Variants in GSDME observed in about 807,000 individuals in gnomAD.
GSDME encodes the protein gasdermin E.
GSDME carries 44 observed loss-of-function variants against 47.5 expected under a neutral mutation model. The observed-to-expected ratio is 0.93, with a 90% CI of 0.73 to 1.19. The LOEUF (loss-of-function observed/expected upper bound fraction) is 1.19. Ranked by LOEUF, GSDME falls within the 50% of genes most tolerant of loss-of-function variation. The pLI is 0.00. For synonymous variants in GSDME, 258 were observed against 252.8 expected (o/e 1.02, Z -0.20); for missense variants, 663 against 604.2 (o/e 1.10, Z -1.02).
chr7:24,765,397 T>C, the GSDME span, among the ~76,000 whole-genome samples: 2 of 152,166 alleles, frequency 1.3e-5, no homozygotes, highest in Admixed American at 1.3e-4. Flanking sequence ...AGCCTAAAGC[T>C]CCCTCCTTAG....
chr7:24,731,128 C>A (rs1428179615), intron 3 of GSDME, among the ~76,000 whole-genome samples: 2 of 152,180 alleles, frequency 1.3e-5, no homozygotes, highest in African/African-American at 2.4e-5. Context: ...TTTCGTGGGG[C>A]CTTGAGCTTC....
At chr7:24,794,681 T>A in the GSDME span, among the ~76,000 whole-genome samples, 4 of 152,158 alleles carry the variant, frequency 2.6e-5, no homozygotes, top group Admixed American at 2.6e-4. Context: ...TCATAGCGAT[T>A]CCATAGACCC....
At chr7:24,760,771 T>C (rs1791154674), upstream of GSDME, among the ~76,000 whole-genome samples, 1 of 152,234 alleles carries the variant, frequency 6.6e-6, no homozygotes, top group Non-Finnish European at 1.5e-5. This position sits in a 1 kb window ranked among gnomAD's most constrained non-coding sequence, Gnocchi z 4.2. Context: ...AAGTGCTTTT[T>C]AAACTGGAGA....
chr7:24,702,306 G>A (rs1427715501), intron 9 of GSDME: 6 of 254,268 alleles, frequency 2.4e-5, no homozygotes, highest in Non-Finnish European at 4.6e-5. Context: ...CGATATTCCT[G>A]AAAGTGGATG....
At chr7:24,782,230 C>T in the GSDME span, among the ~76,000 whole-genome samples, 1 of 127,638 alleles carries the variant, frequency 7.8e-6, no homozygotes, top group Admixed American at 8.8e-5. Flanking sequence ...CCCCACCCCA[C>T]AACAGGCCCC....
chr7:24,743,860 G>A (rs1055206879), intron 3 of GSDME, among the ~76,000 whole-genome samples: 2 of 152,142 alleles, frequency 1.3e-5, no homozygotes, highest in South Asian at 2.1e-4. Flanking sequence ...CACTGCTGCC[G>A]ATTCCCATCA....
chr7:24,785,543 C>T, the GSDME span, among the ~76,000 whole-genome samples: 1 of 152,210 alleles, frequency 6.6e-6, no homozygotes, highest in African/African-American at 2.4e-5. Flanking sequence ...GCAACCTCCA[C>T]CTCATGGGTT....
chr7:24,761,750 G>T (rs1233946808), upstream of GSDME, among the ~76,000 whole-genome samples: 1 of 152,196 alleles, frequency 6.6e-6, no homozygotes, highest in Non-Finnish European at 1.5e-5. The surrounding 1 kb of genome is among the most constrained non-coding windows in gnomAD (Gnocchi z 4.4). Flanking sequence ...TCTTATAGTG[G>T]AGGCTCAGGG....
chr7:24,717,110 T>C (rs1202717721), intron 5 of GSDME, 144 bp downstream of exon 5: 2 of 923,654 alleles, frequency 2.2e-6, no homozygotes, highest in East Asian at 2.7e-5. Flanking sequence ...GACCATGTCT[T>C]GGGACAATCT....
upstream of GSDME, among the ~76,000 whole-genome samples, chr7:24,759,361 T>A (rs932460360): frequency 1.3e-5 from 2 of 152,184 alleles, no homozygotes; most frequent in African/African-American, 4.8e-5. Flanking sequence ...AACTTTTTGA[T>A]GCAACAGTTA....
chr7:24,760,310 A>C (rs146606268), upstream of GSDME, among the ~76,000 whole-genome samples: 3 of 152,328 alleles, frequency 2.0e-5, no homozygotes, highest in African/African-American at 7.2e-5. This position sits in a 1 kb window ranked among gnomAD's most constrained non-coding sequence, Gnocchi z 4.2. Context: ...CCAGCTCTGC[A>C]TGGCTGCCAT....
At chr7:24,760,593 A>T (rs557086508), upstream of GSDME, among the ~76,000 whole-genome samples, 1 of 152,260 alleles carries the variant, frequency 6.6e-6, no homozygotes, top group East Asian at 1.9e-4. The surrounding 1 kb of genome is among the most constrained non-coding windows in gnomAD (Gnocchi z 4.2). Context: ...CTTTTCAGCT[A>T]AAGTTGCCTT....
the GSDME span, among the ~76,000 whole-genome samples, chr7:24,785,111 T>A: frequency 1.4e-3 from 207 of 152,332 alleles, 1 homozygote; most frequent in East Asian, 0.028. Flanking sequence ...GAGTCCCGCC[T>A]GATGCCTGTT....
At chr7:24,707,969 T>C in intron 7 of GSDME, 158 bp downstream of exon 7, 1 of 842,038 alleles carries the variant, frequency 1.2e-6, no homozygotes, top group Non-Finnish European at 1.8e-6. Flanking sequence ...GCCAGCTACC[T>C]GTCTGCACTT....
chr7:24,740,345 AGAAT>A (rs1429545155), intron 3 of GSDME, among the ~76,000 whole-genome samples: 36 of 152,196 alleles, frequency 2.4e-4, no homozygotes, highest in African/African-American at 8.4e-4. Context: ...AAAAATAGAA[AGAAT>A]GAATAAGATC....
At chr7:24,749,485 G>C (rs982224778) in intron 2 of GSDME, 79 bp downstream of exon 2, 1 of 1,228,574 alleles carries the variant, frequency 8.1e-7, no homozygotes, top group Admixed American at 1.8e-5. Context: ...ATGGGCGACA[G>C]AGACTCTGTG....
rs1790645006 is a variant in GSDME at position 24,745,642 on chromosome 7, A to G, written c.212-888T>C. On this transcript the variant is annotated intron_variant, in intron 2 of 9. Transcript: ENST00000645220. This position sits in a 1 kb window ranked among gnomAD's most constrained non-coding sequence, Gnocchi z 4.4. The stretch of plus-strand genomic sequence containing the variant: ...AAATAGTCTCTGTGTGGTGGCTCAC[A>G]TTTGTAATCCCAGCAATTTAGGAGG... Among the ~76,000 whole-genome samples the G allele has an allele frequency of 6.6e-6, 1 of 152,124 alleles. No homozygotes were observed. The highest frequency in any genetic ancestry group is 2.4e-5 in the African/African-American group (1 of 41,426).
chr7:24,699,923 G>A (rs1340979754), intron 9 of GSDME, among the ~76,000 whole-genome samples: 1 of 152,136 alleles, frequency 6.6e-6, no homozygotes, highest in African/African-American at 2.4e-5. Flanking sequence ...TCAAAGGTAG[G>A]TACCATAGTT....
At chr7:24,702,477 C>G in intron 9 of GSDME, 1 of 376,512 alleles carries the variant, frequency 2.7e-6, no homozygotes, top group Non-Finnish European at 5.2e-6. Context: ...GGCCAAAATT[C>G]TCTCCAAACA....
Sources: gnomAD v4.1 joint callset for allele counts (sites outside exome capture counted in the v4.1 genomes callset) on GRCh38, gnomAD v4.1.1 for gene constraint, Gnocchi (gnomAD v3.1) non-coding constraint, MANE v1.5 for transcripts, NCBI Gene and HGNC (gene_info 2026-07-23, HGNC 2026-07-21) for gene names.